The following RNF31 variants were observed in gnomAD, a reference collection of about 807,000 sequenced individuals.
RNF31 encodes E3 ubiquitin-protein ligase RNF31.
A neutral mutation model predicts 133.6 loss-of-function variants in RNF31; 38 were observed. That is an observed-to-expected ratio of 0.28 (90% confidence interval 0.22 to 0.37). RNF31 has a LOEUF of 0.37. Among genes scored for constraint, RNF31 ranks in the 10% least tolerant of loss-of-function variants. RNF31 has a pLI of 1.00. For synonymous variants in RNF31, 582 were observed against 552.3 expected (o/e 1.05, Z -0.75); for missense variants, 1,118 against 1,394.1 (o/e 0.80, Z 3.15).
In RNF31 at chr14:24,150,651, C is replaced by T. The variant is rs1275011080; in HGVS notation, c.1251C>T (p.His417=). ...AGAGTCAAGTCTGGTACTGTATTCA[C>T]TGTACCTTCTGCAACTCGAGCCCTG... ...SAQSQVWYCI[H]CTFCNSSPGW... is the part of the protein sequence containing the mutation. Residue 417 remains histidine (H), a synonymous_variant, in exon 8 of 21, where the codon CAC becomes CAT. Transcript: ENST00000324103. 2 of 1,614,232 alleles carry T rather than the reference C, an allele frequency of 1.2e-6. No homozygotes were observed. Among genetic ancestry groups the T allele is most frequent in the Non-Finnish European group, 1.7e-6 (2 of 1,180,024 alleles).
At position 24,149,333 on chromosome 14, in the gene RNF31, G is replaced by T. The variant is rs890631210; in HGVS notation, c.632-73G>T. ...TGTTTAAAAAGTAGTCTTGTGATTT[G>T]CCCCCATCCACAGCAGATTCAGATG... On this transcript the variant is annotated intron_variant, in intron 5 of 20. Coordinates refer to ENST00000324103, the MANE Select transcript of RNF31 (RefSeq NM_017999.5). The T allele has an allele frequency of 8.4e-6, 12 of 1,431,434 alleles. No individual in the cohort carries two copies. The Admixed American group carries it at 1.0e-4, about 12-fold the overall frequency. The allele number at this position is 1,431,434 out of a possible 1,614,324, so 88.7% of individuals were successfully genotyped here.
At chr14:24,147,916 G>A (rs1169086245) in intron 1 of RNF31, 26 bp downstream of exon 1, 3 of 1,612,812 alleles carry the variant, frequency 1.9e-6, no homozygotes, top group East Asian at 2.2e-5. Context: ...GCTTGGAAGG[G>A]GGACACCAGG....
chr14:24,154,589 C>T (rs1225537430), intron 11 of RNF31, among the ~76,000 whole-genome samples: 3 of 152,132 alleles, frequency 2.0e-5, no homozygotes, highest in African/African-American at 7.2e-5. Context: ...CCAGTGGTGA[C>T]TTCTTATATA....
chr14:24,157,264 T>G (rs998232600), intron 14 of RNF31, 26 bp from the exon 15 acceptor site: 2 of 1,560,266 alleles, frequency 1.3e-6, no homozygotes, highest in South Asian at 2.3e-5. Flanking sequence ...AGAGCTCCCA[T>G]GTGAAGCCTA....
In RNF31 at chr14:24,150,395, C is replaced by A; in HGVS notation, c.1144C>A (p.Pro382Thr). The A allele has an allele frequency of 6.2e-7, 1 of 1,613,368 alleles. No homozygotes were observed. Among genetic ancestry groups the A allele is most frequent in the Non-Finnish European group, 8.5e-7 (1 of 1,179,908 alleles). The stretch of plus-strand genomic sequence containing the variant: ...TGAGCGACCTCGGCTGGCCCAGCCT[C>A]CCAGCTTGGTGGTGGATTCCCGAGA... ...ICERPRLAQP[P>T]SLVVDSRDAG... is the part of the protein sequence containing the mutation. The change falls in exon 7 of 21, where the codon CCC becomes ACC. Residue 382 changes from proline to threonine, a missense_variant. By Grantham distance (38) the Pro-to-Thr change is conservative. Coordinates refer to ENST00000324103, the MANE Select transcript of RNF31 (RefSeq NM_017999.5).
intron 11 of RNF31, among the ~76,000 whole-genome samples, chr14:24,153,540 G>A (rs207474514): frequency 1.8e-4 from 27 of 151,722 alleles, no homozygotes; most frequent in Non-Finnish European, 3.2e-4. Flanking sequence ...TCGTGCCACC[G>A]CACTCCAGCC....
intron 2 of RNF31, 48 bp from the exon 3 acceptor site, chr14:24,148,210 A>C (rs762381423): frequency 1.2e-6 from 2 of 1,613,438 alleles, no homozygotes; most frequent in Non-Finnish European, 1.7e-6. Flanking sequence ...GTCCAGCCCT[A>C]CTAGGCAGGA....
In RNF31 at chr14:24,159,936, C is replaced by T. The variant is rs1158880810; in HGVS notation, c.2972C>T (p.Pro991Leu). ...LRDEACGKET[P>L]AGYAGLCQAH... ...GACGAAGCTTGTGGCAAGGAAACTC[C>T]AGCTGGCTATGCCGGCCTGTGCCAG... Residue 991 changes from proline (P) to leucine (L), a missense_variant, in exon 19 of 21, where the codon CCA (proline) becomes CTA (leucine). Transcript: ENST00000324103. The T allele has an allele frequency of 1.9e-6, 3 of 1,613,976 alleles. No homozygotes were observed. The highest frequency in any genetic ancestry group is 2.5e-6 in the Non-Finnish European group (3 of 1,180,024).
chr14:24,150,773 A>G lies in RNF31; in HGVS notation c.1373A>G (p.Lys458Arg), dbSNP rs769835116. The change falls in exon 8 of 21, where the codon AAG becomes AGG. Residue 458 changes from lysine to arginine, a missense_variant. Physicochemically the swap from Lys to Arg is conservative, Grantham distance 26 (BLOSUM62 2). Coordinates refer to ENST00000324103, the MANE Select transcript of RNF31 (RefSeq NM_017999.5). ...YASSLEKGPPKPGPPRRLSAP... is the reference protein window; with the variant it reads ...YASSLEKGPPRPGPPRRLSAP... ...AGCTCTTTGGAAAAGGGACCCCCCAAGCCTGGGCCCCCACGACGCCTTAGT... is the reference window on the plus strand; with the variant it reads ...AGCTCTTTGGAAAAGGGACCCCCCAGGCCTGGGCCCCCACGACGCCTTAGT... 6.2e-7 allele frequency: 1 copy of G among 1,606,868 alleles called. No individual in the cohort carries two copies. The highest frequency in any genetic ancestry group is 1.1e-5 in the South Asian group (1 of 90,692).
rs759284156 is a variant in RNF31, at chr14:24,155,628, G to A, written c.2429G>A (p.Arg810His). 5.0e-6 allele frequency: 8 copies of A among 1,614,184 alleles called. No individual in the cohort carries two copies. Among genetic ancestry groups the A allele is most frequent in the Non-Finnish European group, 6.8e-6 (8 of 1,180,016 alleles). Residue 810 changes from arginine (R) to histidine (H), a missense_variant, in exon 14 of 21, where the codon CGT becomes CAT. By Grantham distance (29) the Arg-to-His change is conservative. This residue lies in a region of RNF31 where 201 missense variants were observed against 371.7 expected (regional missense o/e 0.54). Coordinates refer to ENST00000324103, the MANE Select transcript of RNF31 (RefSeq NM_017999.5). The surrounding 1 kb of genome is among the most constrained non-coding windows in gnomAD (Gnocchi z 4.9). ...AQCSFGFIYE[R>H]EQLEATCPQC... ...TGCTCCTTTGGCTTCATATATGAGC[G>A]TGAGCAGCTGGAGGCAACTTGTCCC...
intron 18 of RNF31, 93 bp downstream of exon 18, chr14:24,158,292 T>C: frequency 1.6e-6 from 2 of 1,213,768 alleles, no homozygotes; most frequent in Non-Finnish European, 2.4e-6. Context: ...CTGGGGTCAC[T>C]TGTTGCATGC....
chr14:24,153,080 T>TA (rs750111205), intron 11 of RNF31, among the ~76,000 whole-genome samples: 284 of 136,868 alleles, frequency 2.1e-3, no homozygotes, highest in African/African-American at 3.3e-3. Context: ...GACTCCGTCT[T>TA]AAAAAAAAAA....
At position 24,151,589 on chromosome 14, in the gene RNF31, C is replaced by T; in HGVS notation, c.1842C>T (p.Arg614=). 1 of 1,614,110 alleles carries T rather than the reference C, an allele frequency of 6.2e-7. No individual in the cohort carries two copies. Among genetic ancestry groups the T allele is most frequent in the South Asian group, 1.1e-5 (1 of 91,088 alleles). Residue 614 remains arginine (R), a synonymous_variant, in exon 10 of 21, where the codon CGC becomes CGT. Coordinates refer to ENST00000324103, the MANE Select transcript of RNF31 (RefSeq NM_017999.5). The surrounding 1 kb of genome is among the most constrained non-coding windows in gnomAD (Gnocchi z 5.3). ...CACGGGCCCTGACTGAGCTACAGCG[C>T]CAACGCCTAGAGCCCTTCCGCCAGC... ...DVSRALTELQ[R]QRLEPFRQRL... is the part of the protein sequence containing the mutation.
intron 6 of RNF31, among the ~76,000 whole-genome samples, chr14:24,149,852 A>G (rs1004301060): frequency 2.6e-5 from 4 of 151,880 alleles, no homozygotes; most frequent in Non-Finnish European, 5.9e-5. Flanking sequence ...AGGTCAGGCC[A>G]TGTGTTAGCA....
In RNF31 at chr14:24,148,101, C is replaced by T. The variant is rs1386835002; in HGVS notation, c.318C>T (p.Arg106=). 13 of 1,614,104 alleles carry T rather than the reference C, an allele frequency of 8.1e-6. No homozygotes were observed. In the Admixed American group the frequency reaches 2.2e-4, roughly 27 times the overall value. ...TCAAGTTTAATAACCCTGTCTTTCG[C>T]AGCACGGTGGATGCTGTGCAGGTGA... ...RGVKFNNPVF[R]STVDAVQGGR... The change falls in exon 2 of 21, where the codon CGC becomes CGT. Residue 106 remains arginine, a synonymous_variant. Transcript: ENST00000324103.
At chr14:24,153,886 AGAGT>A (rs2038303918) in intron 11 of RNF31, among the ~76,000 whole-genome samples, 1 of 152,042 alleles carries the variant, frequency 6.6e-6, no homozygotes, top group Non-Finnish European at 1.5e-5. Context: ...TCTGAGCGAC[AGAGT>A]GAGACTCTGT....
intron 19 of RNF31, 32 bp downstream of exon 19, chr14:24,159,992 G>T: frequency 6.3e-7 from 1 of 1,597,378 alleles, no homozygotes; most frequent in Non-Finnish European, 8.6e-7. Flanking sequence ...GCATGGTGTT[G>T]GGCAGTGGGT....
intron 16 of RNF31, 79 bp downstream of exon 16, chr14:24,157,717 G>C (rs1421083236): frequency 1.5e-6 from 2 of 1,309,482 alleles, no homozygotes; most frequent in African/African-American, 2.9e-5. Flanking sequence ...ATTGAGGAGT[G>C]GCCCCGGGGA....
At chr14:24,147,210 G>A (rs2038179106), upstream of RNF31, 1 of 160,508 alleles carries the variant, frequency 6.2e-6, no homozygotes, top group African/African-American at 2.4e-5. Flanking sequence ...GGAGCGTACC[G>A]GACTGGTCCA....
Sources: gnomAD v4.1 joint callset for allele counts (sites outside exome capture counted in the v4.1 genomes callset) on GRCh38, gnomAD v4.1.1 for gene constraint, gnomAD v4.1.1 regional missense constraint, Gnocchi (gnomAD v3.1) non-coding constraint, MANE v1.5 for transcripts, NCBI Gene and HGNC (gene_info 2026-07-23, HGNC 2026-07-21) for gene names.